The following VRK1 variants were observed in gnomAD, a reference collection of about 807,000 sequenced individuals.
VRK1 encodes VRK serine/threonine kinase 1, also known as serine/threonine-protein kinase VRK1.
A neutral mutation model predicts 57.1 loss-of-function variants in VRK1; 33 were observed. That is an observed-to-expected ratio of 0.58 (90% confidence interval 0.44 to 0.77). The LOEUF (loss-of-function observed/expected upper bound fraction) is 0.77, where lower values mean the gene tolerates loss of function less well. Ranked by LOEUF, VRK1 falls within the 30% of genes least tolerant of loss-of-function variation. The probability of loss-of-function intolerance (pLI) is 0.00; values close to 1 mark genes in which losing one functional copy is unlikely to be tolerated. For missense variants in VRK1, 413 were observed against 477.3 expected (o/e 0.87, Z 1.25); for synonymous variants, 137 against 147.8 (o/e 0.93, Z 0.53).
intron 1 of VRK1, among the ~76,000 whole-genome samples, chr14:96,815,837 C>G (rs1003637262): frequency 6.6e-6 from 1 of 151,810 alleles, no homozygotes; most frequent in African/African-American, 2.4e-5. Context: ...CTGCAGTGAG[C>G]CATGATTCTG....
intron 4 of VRK1, among the ~76,000 whole-genome samples, chr14:96,847,017 G>A (rs1005260641): frequency 1.3e-5 from 2 of 152,182 alleles, no homozygotes; most frequent in Admixed American, 1.3e-4. Flanking sequence ...AATGCTTTTT[G>A]TAGATTTTTC....
intron 10 of VRK1, among the ~76,000 whole-genome samples, chr14:96,857,193 T>C (rs61434834): frequency 0.014 from 2,159 of 152,150 alleles, 59 homozygotes; most frequent in African/African-American, 0.049. Context: ...AGTAAACACA[T>C]GAGCAAAATT....
At chr14:96,875,491 A>G (rs4905557) in intron 11 of VRK1, among the ~76,000 whole-genome samples, 3 of 151,994 alleles carry the variant, frequency 2.0e-5, no homozygotes, top group Non-Finnish European at 4.4e-5. Flanking sequence ...AAGAGAAACA[A>G]TTATTACAAG....
At chr14:96,846,522 G>T (rs1033506756) in intron 4 of VRK1, among the ~76,000 whole-genome samples, 2 of 152,054 alleles carry the variant, frequency 1.3e-5, no homozygotes, top group African/African-American at 4.8e-5. Flanking sequence ...CTTAGATCTT[G>T]ATTTCCTGGT....
rs1365108274 is a variant in VRK1 at position 96,865,153 on chromosome 14, G to A, written c.1068+4418G>A. Among the ~76,000 whole-genome samples, 5 of 147,982 alleles carry A rather than the reference G, an allele frequency of 3.4e-5. No individual in the cohort carries two copies. The East Asian group carries it at 7.8e-4, about 23-fold the overall frequency. ...TATTTGGGAATATTTTGTCTACTTAGGATCATGAAGATATGTTATTTTCAA... is the reference window on the plus strand; with the variant it reads ...TATTTGGGAATATTTTGTCTACTTAAGATCATGAAGATATGTTATTTTCAA... On this transcript the variant is annotated intron_variant, in intron 11 of 12. Coordinates refer to ENST00000216639, the MANE Select transcript of VRK1 (RefSeq NM_003384.3).
chr14:96,856,489 A>G, intron 9 of VRK1, 39 bp from the exon 10 acceptor site: 1 of 1,536,780 alleles, frequency 6.5e-7, no homozygotes, highest in South Asian at 1.1e-5. Context: ...TTAACATATG[A>G]CATCAAGCTT....
chr14:96,861,518 T>G (rs898223512), intron 11 of VRK1, among the ~76,000 whole-genome samples: 2 of 152,182 alleles, frequency 1.3e-5, no homozygotes, highest in East Asian at 3.8e-4. Flanking sequence ...TTACTGTCAT[T>G]AACTTTGCAA....
chr14:96,803,024 G>C (rs1885724965), intron 1 of VRK1, among the ~76,000 whole-genome samples: 1 of 152,076 alleles, frequency 6.6e-6, no homozygotes, highest in Non-Finnish European at 1.5e-5. Context: ...CCTTTGTCCA[G>C]CATATCCACA....
chr14:96,878,550 A>G (rs1037532989), intron 12 of VRK1, among the ~76,000 whole-genome samples: 1 of 152,186 alleles, frequency 6.6e-6, no homozygotes, highest in East Asian at 1.9e-4. Context: ...CTTTCCTTTA[A>G]TATCTATTTA....
At chr14:96,833,768 A>G in intron 2 of VRK1, 137 bp downstream of exon 2, 5 of 1,275,964 alleles carry the variant, frequency 3.9e-6, no homozygotes, top group Non-Finnish European at 2.2e-6. Flanking sequence ...TTAAGCAAAA[A>G]TGCATCTCTG....
At chr14:96,815,329 G>A (rs1886351869) in intron 1 of VRK1, among the ~76,000 whole-genome samples, 1 of 152,074 alleles carries the variant, frequency 6.6e-6, no homozygotes, top group Non-Finnish European at 1.5e-5. Flanking sequence ...TCTCATCTAG[G>A]AAATGAGGGA....
At chr14:96,802,682 G>C (rs187517768) in intron 1 of VRK1, among the ~76,000 whole-genome samples, 7 of 152,346 alleles carry the variant, frequency 4.6e-5, no homozygotes, top group Admixed American at 2.6e-4. Flanking sequence ...CCTAGAATTA[G>C]ACACACAAAA....
At position 96,860,687 on chromosome 14, in the gene VRK1, C is replaced by T. The variant is rs147853760; in HGVS notation, c.1020C>T (p.Asp340=). ...AIGSKDDGKL[D]LSVVENGGLK... ...GAAGTAAGGATGATGGCAAATTGGA[C>T]CTCAGTGTTGTGGAGAATGGAGGTT... Residue 340 remains aspartate (D), a synonymous_variant, in exon 11 of 13, where the codon GAC becomes GAT. Coordinates refer to ENST00000216639, the MANE Select transcript of VRK1 (RefSeq NM_003384.3). 1,107 of 1,613,212 alleles carry T rather than the reference C, an allele frequency of 6.9e-4. 1 individual carries two copies. Among genetic ancestry groups the T allele is most frequent in the Middle Eastern group, 5.5e-3 (33 of 6,054 alleles).
intron 1 of VRK1, among the ~76,000 whole-genome samples, chr14:96,814,553 G>C (rs1264043000): frequency 1.3e-5 from 2 of 152,040 alleles, no homozygotes; most frequent in Non-Finnish European, 2.9e-5. Context: ...CAATATAAAA[G>C]AGCAAAGAAT....
At chr14:96,854,990 A>T (rs2139801024) in intron 7 of VRK1, among the ~76,000 whole-genome samples, 1 of 152,336 alleles carries the variant, frequency 6.6e-6, no homozygotes, top group African/African-American at 2.4e-5. Flanking sequence ...ATATAAAGTC[A>T]AGTGATTACA....
rs550736406 is a variant in VRK1 at position 96,834,782 on chromosome 14, A to G, written c.160+1151A>G. Among the ~76,000 whole-genome samples, 6 of 152,124 alleles carry G rather than the reference A, an allele frequency of 3.9e-5. No individual in the cohort carries two copies. In the East Asian group the frequency reaches 1.2e-3, roughly 29 times the overall value. On this transcript the variant is annotated intron_variant, in intron 2 of 12. Coordinates refer to ENST00000216639, the MANE Select transcript of VRK1 (RefSeq NM_003384.3). ...TCCAGTGAACTAGGCTGTATCTCTG[A>G]TTTATGGCAAAAATCCCTGTAAACC...
intron 1 of VRK1, among the ~76,000 whole-genome samples, chr14:96,819,966 A>G (rs1218048913): frequency 2.0e-5 from 3 of 152,036 alleles, no homozygotes; most frequent in Non-Finnish European, 4.4e-5. Flanking sequence ...CGATTTGCTG[A>G]GTGTACTTCT....
At chr14:96,862,152 A>C (rs74076167) in intron 11 of VRK1, among the ~76,000 whole-genome samples, 1,406 of 140,220 alleles carry the variant, frequency 0.01, 29 homozygotes, top group African/African-American at 0.035. Flanking sequence ...TACATGCTGG[A>C]GAAAATGTAG....
At chr14:96,804,135 C>T (rs1244103136) in intron 1 of VRK1, among the ~76,000 whole-genome samples, 2 of 152,160 alleles carry the variant, frequency 1.3e-5, no homozygotes, top group Non-Finnish European at 2.9e-5. Flanking sequence ...TTCTGTTTTA[C>T]CCTTATATGT....
Sources: allele counts gnomAD v4.1 joint callset (sites outside exome capture counted in the v4.1 genomes callset), GRCh38; gene constraint gnomAD v4.1.1; transcripts MANE v1.5; gene names NCBI Gene and HGNC (gene_info 2026-07-23, HGNC 2026-07-21).